Variants in TNPO3 observed in about 807,000 individuals in gnomAD.
The protein encoded by TNPO3 is transportin 3.
Under a neutral mutation model 122.8 loss-of-function variants are expected in TNPO3, and 65 were observed. The observed-to-expected ratio is 0.53, with a 90% CI of 0.43 to 0.65. The LOEUF (loss-of-function observed/expected upper bound fraction) is 0.65. Ranked by LOEUF, TNPO3 falls within the 30% of genes least tolerant of loss-of-function variation. TNPO3 has a pLI of 0.00. For synonymous variants in TNPO3, 372 were observed against 411.2 expected (o/e 0.90, Z 1.15); for missense variants, 850 against 1,136.7 (o/e 0.75, Z 3.63).
At chr7:129,004,584 T>C (rs1251568942) in intron 5 of TNPO3, among the ~76,000 whole-genome samples, 6 of 152,334 alleles carry the variant, frequency 3.9e-5, no homozygotes, top group Admixed American at 2.6e-4. Flanking sequence ...AAAGATAATA[T>C]CTTAATCTAT....
intron 18 of TNPO3, 131 bp from the exon 19 acceptor site, chr7:128,972,713 G>T: frequency 1.4e-6 from 1 of 738,378 alleles, no homozygotes; most frequent in Non-Finnish European, 2.2e-6. Context: ...AAGAAGGGAT[G>T]AATAGACAGA....
chr7:129,053,497 A>T (rs908385289), intron 1 of TNPO3, among the ~76,000 whole-genome samples: 5 of 150,134 alleles, frequency 3.3e-5, no homozygotes, highest in African/African-American at 4.9e-5. Context: ...TCTGTCTCAA[A>T]AAAAAAAAAA....
At chr7:129,044,148 T>C (rs1451807709) in intron 1 of TNPO3, among the ~76,000 whole-genome samples, 1 of 152,268 alleles carries the variant, frequency 6.6e-6, no homozygotes, top group South Asian at 2.1e-4. Context: ...TATATTTTCT[T>C]GAACCCCGAC....
At chr7:128,994,086 T>C (rs995103048) in intron 8 of TNPO3, among the ~76,000 whole-genome samples, 172 bp from the exon 9 acceptor site, 4 of 152,182 alleles carry the variant, frequency 2.6e-5, no homozygotes, top group African/African-American at 9.7e-5. Flanking sequence ...AATTGTGAGG[T>C]ATGCCAAGTC....
intron 1 of TNPO3, among the ~76,000 whole-genome samples, chr7:129,031,359 G>T (rs1183237090): frequency 6.6e-6 from 1 of 151,906 alleles, no homozygotes; most frequent in South Asian, 2.1e-4. Flanking sequence ...AGAAATAAAA[G>T]TCAGGATATT....
intron 4 of TNPO3, 128 bp from the exon 5 acceptor site, chr7:129,005,287 T>A (rs1174454743): frequency 3.4e-6 from 3 of 889,296 alleles, no homozygotes; most frequent in African/African-American, 3.5e-5. Context: ...AAGTGCTTTT[T>A]AAGTTTAAGT....
intron 21 of TNPO3, among the ~76,000 whole-genome samples, chr7:128,962,625 G>A (rs1209474081): frequency 1.3e-5 from 2 of 152,212 alleles, no homozygotes; most frequent in Non-Finnish European, 2.9e-5. Flanking sequence ...AAGAGGGGAT[G>A]AGCAATCTCA....
At chr7:129,045,473 G>T (rs1807914870) in intron 1 of TNPO3, among the ~76,000 whole-genome samples, 1 of 148,380 alleles carries the variant, frequency 6.7e-6, no homozygotes, top group Non-Finnish European at 1.5e-5. Context: ...TCCAACCTGG[G>T]CAACAGAACA....
chr7:128,979,023 C>A lies in TNPO3; in HGVS notation c.2021G>T (p.Gly674Val). Residue 674 changes from glycine to valine, a missense_variant, in exon 16 of 23, where the codon GGC becomes GTC. By Grantham distance (109) the Gly-to-Val change is moderately radical (BLOSUM62 -3). Transcript: ENST00000265388. ...RCLRFAVRCV[G>V]KGSAALLQPL... Reference sequence around the variant, plus strand: ...CTGCAGCAGTGCTGCAGATCCTTTGCCTACACAGCGAACAGCAAAGCGCAG... The same window carrying A: ...CTGCAGCAGTGCTGCAGATCCTTTGACTACACAGCGAACAGCAAAGCGCAG... 6.2e-7 allele frequency: 1 copy of A among 1,614,174 alleles called. No individual in the cohort carries two copies. Among genetic ancestry groups the A allele is most frequent in the Non-Finnish European group, 8.5e-7 (1 of 1,180,006 alleles).
chr7:129,055,958 A>G (rs1442947072), upstream of TNPO3: 7 of 693,000 alleles, frequency 1.0e-5, no homozygotes, highest in Admixed American at 1.6e-4. Flanking sequence ...AACCTTGCCA[A>G]GTATTAATAA....
chr7:129,053,948 T>A (rs1809131157), intron 1 of TNPO3, among the ~76,000 whole-genome samples: 1 of 152,176 alleles, frequency 6.6e-6, no homozygotes, highest in African/African-American at 2.4e-5. Flanking sequence ...CACACACAGT[T>A]TTATATGGAA....
Position 129,055,039 on chromosome 7 carries a change from C to T in TNPO3, c.-269G>A. 1 of 430,568 alleles carries T rather than the reference C, an allele frequency of 2.3e-6. No homozygotes were observed. 26.7% of individuals were successfully genotyped at this position (430,568 alleles called of 1,614,324 possible). A position where few individuals can be genotyped will look rare whatever the true frequency, so the allele number is the denominator to read the frequency against. On this transcript the variant is annotated 5_prime_UTR_variant, in exon 1 of 23. Coordinates refer to ENST00000265388, the MANE Select transcript of TNPO3 (RefSeq NM_012470.4). The stretch of plus-strand genomic sequence containing the variant: ...TTGAGTCCACAGATTCTGGCGCTCC[C>T]GTCTTCAGTCGCTGACTTGCCCTCA...
chr7:128,989,476 T>C (rs1389420863), intron 11 of TNPO3, among the ~76,000 whole-genome samples: 1 of 152,242 alleles, frequency 6.6e-6, no homozygotes, highest in Non-Finnish European at 1.5e-5. Context: ...GATCTTTAGT[T>C]ATTTTTTCAA....
In TNPO3 at chr7:128,974,960, T is replaced by C. The variant is rs746188910; in HGVS notation, c.2181A>G (p.Ala727=). Reference sequence around the variant, plus strand: ...GGAGCTGAAAGGTGGGGATGCACAGTGCCTAAAACAAAACAGTGATTTTAA... The same window carrying C: ...GGAGCTGAAAGGTGGGGATGCACAGCGCCTAAAACAAAACAGTGATTTTAA... ...CRQGLLDMLQ[A]LCIPTFQLLE... Residue 727 remains alanine, a splice_region_variant and synonymous_variant, in exon 18 of 23, where the codon GCA becomes GCG. Coordinates refer to ENST00000265388, the MANE Select transcript of TNPO3 (RefSeq NM_012470.4). 3 of 1,613,638 alleles carry C rather than the reference T, an allele frequency of 1.9e-6. No homozygotes were observed. The highest frequency in any genetic ancestry group is 1.3e-5 in the African/African-American group (1 of 75,026).
chr7:129,004,811 C>T (rs993398030), intron 5 of TNPO3, among the ~76,000 whole-genome samples: 2 of 152,104 alleles, frequency 1.3e-5, no homozygotes, highest in African/African-American at 4.8e-5. Flanking sequence ...GACTGTTTTC[C>T]TCTTAAACAT....
At chr7:128,956,089 C>T (rs973221456) in intron 22 of TNPO3, among the ~76,000 whole-genome samples, 9 of 152,308 alleles carry the variant, frequency 5.9e-5, no homozygotes, top group Admixed American at 5.2e-4. Context: ...TACAGCTGTC[C>T]ATGAGCAACC....
chr7:129,031,275 C>T (rs978139001), intron 1 of TNPO3, among the ~76,000 whole-genome samples: 18 of 151,108 alleles, frequency 1.2e-4, no homozygotes, highest in Admixed American at 6.6e-4. Flanking sequence ...ACTCCAGTCT[C>T]GGTGACAGAG....
At chr7:129,042,733 A>G (rs1807538675) in intron 1 of TNPO3, among the ~76,000 whole-genome samples, 1 of 152,168 alleles carries the variant, frequency 6.6e-6, no homozygotes, top group Non-Finnish European at 1.5e-5. Context: ...GGCACATAAG[A>G]TAACCATCAC....
Position 128,997,554 on chromosome 7 carries a change from T to A in TNPO3, c.1012-19A>T. The A allele has an allele frequency of 6.2e-7, 1 of 1,602,184 alleles. No homozygotes were observed. Among genetic ancestry groups the A allele is most frequent in the Non-Finnish European group, 8.5e-7 (1 of 1,169,980 alleles). ...CTACTACCTGTTAGGTTAAAAGAGA[T>A]GATTTATTTGAATGGGAAAGGAATA... On this transcript the variant is annotated intron_variant, in intron 7 of 22. Transcript: ENST00000265388.
Sources: gnomAD v4.1 joint callset for allele counts (sites outside exome capture counted in the v4.1 genomes callset) on GRCh38, gnomAD v4.1.1 for gene constraint, MANE v1.5 for transcripts, NCBI Gene and HGNC (gene_info 2026-07-23, HGNC 2026-07-21) for gene names.